The following PRELID2 variants were observed in gnomAD, a reference collection of about 807,000 sequenced individuals.
PRELID2 encodes the protein PRELI domain-containing protein 2.
A neutral mutation model predicts 28.4 loss-of-function variants in PRELID2; 25 were observed. The ratio of observed to expected loss-of-function variants is 0.88; its 90% CI spans 0.64 to 1.23. The LOEUF is 1.23. Among genes scored for constraint, PRELID2 ranks in the 50% most tolerant of loss-of-function variants. The pLI is 0.00. For synonymous variants in PRELID2, 76 were observed against 71.6 expected (o/e 1.06, Z -0.31); for missense variants, 201 against 214.4 (o/e 0.94, Z 0.39).
the PRELID2 span, among the ~76,000 whole-genome samples, chr5:145,440,413 A>T: frequency 6.6e-6 from 1 of 152,082 alleles, no homozygotes; most frequent in African/African-American, 2.4e-5. Context: ...ATTATAGTTT[A>T]TTTCTTACTT....
At chr5:145,638,914 G>T (rs549799988) in intron 1 of PRELID2, among the ~76,000 whole-genome samples, 2 of 152,334 alleles carry the variant, frequency 1.3e-5, no homozygotes, top group South Asian at 2.1e-4. Context: ...CTTGGTATAG[G>T]AGCTTACGCC....
intron 1 of PRELID2, among the ~76,000 whole-genome samples, chr5:145,497,306 T>C (rs538604647): frequency 6.6e-6 from 1 of 152,322 alleles, no homozygotes; most frequent in South Asian, 2.1e-4. Context: ...AGATATGACT[T>C]TCCAGCTTGA....
At chr5:145,831,630 G>A (rs559926704) in intron 1 of PRELID2, among the ~76,000 whole-genome samples, 1 of 152,270 alleles carries the variant, frequency 6.6e-6, no homozygotes, top group African/African-American at 2.4e-5. Context: ...ATCTCTGAAG[G>A]ATTCCTTTAT....
the PRELID2 span, among the ~76,000 whole-genome samples, chr5:145,230,569 A>AC: frequency 6.6e-6 from 1 of 151,954 alleles, no homozygotes; most frequent in Non-Finnish European, 1.5e-5. Flanking sequence ...ACAGAGCGAG[A>AC]CTCTGTCTCA....
At chr5:145,585,815 G>T (rs72811539) in intron 1 of PRELID2, among the ~76,000 whole-genome samples, 1,525 of 152,172 alleles carry the variant, frequency 0.01, 19 homozygotes, top group Middle Eastern at 0.017. Context: ...ATGGGGTGGG[G>T]TGTCAGCCTG....
intron 1 of PRELID2, among the ~76,000 whole-genome samples, chr5:145,617,217 G>A (rs1753711497): frequency 6.6e-6 from 1 of 152,090 alleles, no homozygotes; most frequent in African/African-American, 2.4e-5. Context: ...TCATCACAGG[G>A]TCCTGAGGTG....
intron 1 of PRELID2, among the ~76,000 whole-genome samples, chr5:145,723,191 A>C (rs2149719101): frequency 6.6e-6 from 1 of 152,330 alleles, no homozygotes; most frequent in Admixed American, 6.5e-5. Context: ...ATAATACATA[A>C]TGACCAAGCA....
chr5:145,402,123 T>G, the PRELID2 span, among the ~76,000 whole-genome samples: 2 of 152,210 alleles, frequency 1.3e-5, no homozygotes, highest in Non-Finnish European at 2.9e-5. Flanking sequence ...TTCACATGCT[T>G]TATTTTAACA....
chr5:145,410,881 C>T, the PRELID2 span, among the ~76,000 whole-genome samples: 1 of 152,084 alleles, frequency 6.6e-6, no homozygotes, highest in Non-Finnish European at 1.5e-5. Context: ...AAGCCCAAAT[C>T]CAAAGTCTCA....
chr5:145,317,576 T>C, the PRELID2 span, among the ~76,000 whole-genome samples: 3 of 152,190 alleles, frequency 2.0e-5, no homozygotes, highest in Non-Finnish European at 4.4e-5. Context: ...CTTACTGGAT[T>C]TGAACAACAG....
the PRELID2 span, among the ~76,000 whole-genome samples, chr5:145,428,225 C>G: frequency 3.3e-5 from 5 of 152,132 alleles, no homozygotes; most frequent in Non-Finnish European, 7.3e-5. Context: ...TCCCAAAGTG[C>G]TGGGATTGCA....
At chr5:145,616,782 T>C (rs1280134281) in intron 1 of PRELID2, among the ~76,000 whole-genome samples, 3 of 152,158 alleles carry the variant, frequency 2.0e-5, no homozygotes, top group Non-Finnish European at 4.4e-5. Flanking sequence ...ATTGATAACA[T>C]CTTACCAGGA....
intron 1 of PRELID2, among the ~76,000 whole-genome samples, chr5:145,745,633 C>A (rs13174021): frequency 6.6e-6 from 1 of 151,660 alleles, no homozygotes; most frequent in Admixed American, 6.6e-5. Flanking sequence ...AGGCCGAGGA[C>A]GGCAGATCAC....
At chr5:145,379,747 G>A in the PRELID2 span, among the ~76,000 whole-genome samples, 1 of 152,116 alleles carries the variant, frequency 6.6e-6, no homozygotes, top group Non-Finnish European at 1.5e-5. Context: ...CATAAGGAGG[G>A]AGCATGAAGG....
chr5:145,832,047 TTC>T (rs1335262052), intron 1 of PRELID2, among the ~76,000 whole-genome samples: 3 of 152,338 alleles, frequency 2.0e-5, no homozygotes, highest in African/African-American at 7.2e-5. Context: ...AACTTAAACA[TTC>T]TGTGTTCTCA....
At chr5:145,256,917 AT>A in the PRELID2 span, among the ~76,000 whole-genome samples, 1,878 of 149,852 alleles carry the variant, frequency 0.013, 65 homozygotes, top group African/African-American at 0.043. Flanking sequence ...AATGAAGATA[AT>A]TTTTTTTTTA....
chr5:145,641,343 AAG>A (rs1373550063), intron 1 of PRELID2, among the ~76,000 whole-genome samples: 3 of 152,228 alleles, frequency 2.0e-5, no homozygotes, highest in African/African-American at 7.2e-5. Context: ...ACAGGTCTTA[AAG>A]AGAGAAAATC....
intron 6 of PRELID2, among the ~76,000 whole-genome samples, chr5:145,762,806 A>G (rs1008609728): frequency 8.5e-5 from 13 of 152,230 alleles, no homozygotes; most frequent in Non-Finnish European, 1.8e-4. Context: ...CATTCTTCCT[A>G]TTAATCAAAA....
chr5:145,765,700 C>T (rs981001916), intron 5 of PRELID2, among the ~76,000 whole-genome samples: 2 of 152,150 alleles, frequency 1.3e-5, no homozygotes, highest in Non-Finnish European at 2.9e-5. Flanking sequence ...AATCCCTTCC[C>T]GTACCCCATG....
Sources: allele counts gnomAD v4.1 joint callset (sites outside exome capture counted in the v4.1 genomes callset), GRCh38; gene constraint gnomAD v4.1.1; transcripts MANE v1.5; gene names NCBI Gene and HGNC (gene_info 2026-07-23, HGNC 2026-07-21).